The following ANK3 variants were observed in gnomAD, a reference collection of about 807,000 sequenced individuals.
ANK3 encodes ankyrin 3, also known as ankyrin-3.
A neutral mutation model predicts 370.9 loss-of-function variants in ANK3; 57 were observed. The ratio of observed to expected loss-of-function variants is 0.15; its 90% CI spans 0.12 to 0.19. ANK3 has a LOEUF of 0.19. ANK3 is among the 10% of genes least tolerant of loss of function. The pLI, the probability that ANK3 is intolerant of heterozygous loss-of-function variation, is 1.00. For synonymous variants in ANK3, 1,929 were observed against 1,946.3 expected (o/e 0.99, Z 0.23); for missense variants, 4,439 against 5,302.1 (o/e 0.84, Z 5.06).
chr10:60,233,124 G>A (rs1352562044), intron 8 of ANK3, among the ~76,000 whole-genome samples: 1 of 152,188 alleles, frequency 6.6e-6, no homozygotes, highest in African/African-American at 2.4e-5. Context: ...ACTAACTGGA[G>A]CTCTGAGATA....
chr10:60,226,282 TATGCTATATTATATAGTATATGTA>T (rs1421287847), intron 8 of ANK3, among the ~76,000 whole-genome samples: 17 of 104,210 alleles, frequency 1.6e-4, no homozygotes, highest in African/African-American at 6.4e-4. Context: ...ACTATGTATA[TATGCTATATTATATAGTATATGTA>T]ATACTATATA....
Position 60,254,362 on chromosome 10 carries a change from A to C in ANK3, c.798+7497T>G, listed in dbSNP as rs148335112. Among the ~76,000 whole-genome samples, 9 of 152,240 alleles carry C rather than the reference A, an allele frequency of 5.9e-5. No individual in the cohort carries two copies. The East Asian group carries it at 1.7e-3, about 29-fold the overall frequency. On this transcript the variant is annotated intron_variant, in intron 7 of 43. Coordinates refer to ENST00000280772, the MANE Select transcript of ANK3 (RefSeq NM_020987.5). The stretch of plus-strand genomic sequence containing the variant: ...AATGCATCACTACACAAACCAAAGT[A>C]GAGTCTCCAAAAGCCCTACACCCTT...
chr10:60,444,676 A>T (rs560325501), intron 2 of ANK3, among the ~76,000 whole-genome samples: 1 of 152,182 alleles, frequency 6.6e-6, no homozygotes, highest in South Asian at 2.1e-4. Context: ...TTGTCACTAG[A>T]GGGAGTGGTT....
intron 2 of ANK3, among the ~76,000 whole-genome samples, chr10:60,468,359 A>G (rs2065058052): frequency 6.6e-6 from 1 of 152,162 alleles, no homozygotes; most frequent in Non-Finnish European, 1.5e-5. Context: ...GTGTGAAGAA[A>G]TTATGAATTA....
chr10:60,037,448 C>T (rs2075263281), intron 43 of ANK3, among the ~76,000 whole-genome samples: 1 of 152,138 alleles, frequency 6.6e-6, no homozygotes, highest in Non-Finnish European at 1.5e-5. Flanking sequence ...CTCCTCTCCC[C>T]TCTCACCCTC....
At chr10:60,177,246 C>T (rs12355908) in intron 18 of ANK3, among the ~76,000 whole-genome samples, 29,645 of 152,090 alleles carry the variant, frequency 0.19, 3,391 homozygotes, top group Non-Finnish European at 0.25. Context: ...CTTTGGTTTG[C>T]GCCACACTTT....
chr10:60,187,058 AG>A (rs2096357303), intron 16 of ANK3, 146 bp from the exon 17 acceptor site: 1 of 735,866 alleles, frequency 1.4e-6, no homozygotes, highest in Non-Finnish European at 2.3e-6. Context: ...TGGTAAACCA[AG>A]TGGTACATGA....
At chr10:60,521,531 C>T (rs545582462) in intron 2 of ANK3, among the ~76,000 whole-genome samples, 4 of 151,976 alleles carry the variant, frequency 2.6e-5, no homozygotes, top group Non-Finnish European at 5.9e-5. Flanking sequence ...AAATTCATGA[C>T]AGGACTGATA....
chr10:60,500,027 A>C (rs1457787269), intron 2 of ANK3, among the ~76,000 whole-genome samples: 1 of 152,228 alleles, frequency 6.6e-6, no homozygotes, highest in Non-Finnish European at 1.5e-5. Flanking sequence ...ATAGAACAGA[A>C]AACTATGGCA....
At chr10:60,353,373 G>T (rs186129920) in intron 1 of ANK3, among the ~76,000 whole-genome samples, 118 of 152,180 alleles carry the variant, frequency 7.8e-4, no homozygotes, top group Non-Finnish European at 1.4e-3. Flanking sequence ...AATAAGCCAT[G>T]AATAGAATAT....
Position 60,212,518 on chromosome 10 carries a change from T to C in ANK3, c.996+894A>G, listed in dbSNP as rs188617836. ...CACTCAAAAGGCCAAGATGTCATCA[T>C]ATACAATGAAAACATCATGGCTGTT... is the stretch of plus-strand genomic sequence containing the variant. On this transcript the variant is annotated intron_variant, in intron 9 of 43. Transcript: ENST00000280772. 2.6e-5 allele frequency among the ~76,000 whole-genome samples: 4 copies of C among 152,250 alleles called. No individual in the cohort carries two copies. The East Asian group carries it at 7.7e-4, about 29-fold the overall frequency.
chr10:60,466,947 ATAGGAG>A (rs1485098178), intron 2 of ANK3, among the ~76,000 whole-genome samples: 1 of 152,146 alleles, frequency 6.6e-6, no homozygotes, highest in Non-Finnish European at 1.5e-5. Flanking sequence ...GTGCCTGCTA[ATAGGAG>A]TAGTGTTCTT....
At chr10:60,692,806 T>G (rs7901839) in intron 1 of ANK3, among the ~76,000 whole-genome samples, 1 of 152,222 alleles carries the variant, frequency 6.6e-6, no homozygotes, top group African/African-American at 2.4e-5. Context: ...TGTTAGCTGA[T>G]AGCTGATTGT....
intron 25 of ANK3, among the ~76,000 whole-genome samples, chr10:60,120,319 G>T (rs1356932003): frequency 1.3e-5 from 2 of 151,922 alleles, no homozygotes; most frequent in Admixed American, 6.6e-5. Flanking sequence ...AAATCAAAAT[G>T]AATTAAAGAC....
At position 60,374,808 on chromosome 10, in the gene ANK3, A is replaced by G. The variant is rs78601983; in HGVS notation, c.114+14617T>C. Among the ~76,000 whole-genome samples, 1,345 of 152,326 alleles carry G rather than the reference A, an allele frequency of 8.8e-3. 20 individuals are homozygous for G. Among genetic ancestry groups the G allele is most frequent in the African/African-American group, 0.029 (1,185 of 41,576 alleles). The stretch of plus-strand genomic sequence containing the variant: ...ATAGAAAAATAAGAGATTCGTTGGT[A>G]CTTTTGGTACACTCATAAAGTAATA... On this transcript the variant is annotated intron_variant, in intron 1 of 43. Transcript: ENST00000280772.
intron 1 of ANK3, among the ~76,000 whole-genome samples, chr10:60,702,207 A>G (rs2079553898): frequency 6.6e-6 from 1 of 152,012 alleles, no homozygotes. Context: ...GTGAGGCTGC[A>G]AAAAGCTGTG....
intron 9 of ANK3, among the ~76,000 whole-genome samples, chr10:60,212,464 A>G (rs1475236484): frequency 6.6e-6 from 1 of 152,156 alleles, no homozygotes; most frequent in Non-Finnish European, 1.5e-5. Context: ...TAAAAGGAAA[A>G]GAACAAATAG....
At position 60,271,210 on chromosome 10, in the gene ANK3, G is replaced by A. The variant is rs187794771; in HGVS notation, c.415-981C>T. ...TATTATTATTTTGAGACAGGGTCTC[G>A]CTCCATTGCTCTGTATCAAAATAAT... On this transcript the variant is annotated intron_variant, in intron 4 of 43. Coordinates refer to ENST00000280772, the MANE Select transcript of ANK3 (RefSeq NM_020987.5). Among the ~76,000 whole-genome samples, 155 of 151,622 alleles carry A rather than the reference G, an allele frequency of 1.0e-3. 3 individuals are homozygous for A. Among genetic ancestry groups the A allele is most frequent in the Non-Finnish European group, 5.6e-4 (38 of 67,904 alleles).
At chr10:60,684,985 C>T in intron 1 of ANK3, 1 of 1,557,212 alleles carries the variant, frequency 6.4e-7, no homozygotes. Flanking sequence ...CTCATCAACT[C>T]CTTGGCATTT....
Sources: gnomAD v4.1 joint callset for allele counts (sites outside exome capture counted in the v4.1 genomes callset) on GRCh38, gnomAD v4.1.1 for gene constraint, MANE v1.5 for transcripts, NCBI Gene and HGNC (gene_info 2026-07-23, HGNC 2026-07-21) for gene names.